SNX29: variants seen among roughly 807,000 people sequenced by gnomAD.
SNX29 encodes the protein sorting nexin 29, also known as sorting nexin-29.
SNX29 carries 78 observed loss-of-function variants against 102.1 expected under a neutral mutation model. The ratio of observed to expected loss-of-function variants is 0.76; its 90% CI spans 0.64 to 0.92. The LOEUF (loss-of-function observed/expected upper bound fraction) is 0.92, where lower values mean the gene tolerates loss of function less well. SNX29 is among the 40% of genes least tolerant of loss of function. SNX29 has a pLI of 0.00. For synonymous variants in SNX29, 580 were observed against 414.5 expected (o/e 1.40, Z -4.85); for missense variants, 1,280 against 1,061.7 (o/e 1.21, Z -2.86).
intron 18 of SNX29, among the ~76,000 whole-genome samples, chr16:12,460,204 C>T (rs1259377431): frequency 2.0e-5 from 3 of 152,226 alleles, no homozygotes; most frequent in Admixed American, 2.0e-4. Context: ...CACCCAACCA[C>T]GGCTCGCAGC....
At chr16:12,153,640 A>T (rs2055401066) in intron 13 of SNX29, among the ~76,000 whole-genome samples, 1 of 139,290 alleles carries the variant, frequency 7.2e-6, no homozygotes, top group African/African-American at 2.6e-5. Context: ...CACCTGGCTA[A>T]TTTTTTTTTT....
rs2077237072 is a variant in SNX29 at position 12,213,323 on chromosome 16, C to T, written c.1678+13640C>T. 2.0e-5 allele frequency among the ~76,000 whole-genome samples: 3 copies of T among 152,184 alleles called. No homozygotes were observed. In the South Asian group the frequency reaches 6.2e-4, roughly 32 times the overall value. ...AGAGAAACATAAGGGACATTAGAAA[C>T]TCTGAGCAGGAGGGGAGGCGAGGGA... On this transcript the variant is annotated intron_variant, in intron 14 of 20. Coordinates refer to ENST00000566228, the MANE Select transcript of SNX29 (RefSeq NM_032167.5).
intron 20 of SNX29, among the ~76,000 whole-genome samples, chr16:12,553,216 C>T (rs1340177914): frequency 2.6e-5 from 4 of 152,080 alleles, no homozygotes; most frequent in Admixed American, 1.3e-4. Context: ...TAGCCATGCT[C>T]GCAGATGGGG....
intron 13 of SNX29, among the ~76,000 whole-genome samples, chr16:12,186,476 G>GA (rs1423594636): frequency 6.6e-6 from 1 of 152,110 alleles, no homozygotes; most frequent in East Asian, 1.9e-4. Flanking sequence ...TAAGAACAAG[G>GA]ATACTTCCTT....
chr16:12,413,304 C>T (rs2084483541), intron 18 of SNX29, among the ~76,000 whole-genome samples: 1 of 152,042 alleles, frequency 6.6e-6, no homozygotes, highest in African/African-American at 2.4e-5. Flanking sequence ...GATCTCCTAA[C>T]TGCAGGCAAA....
At chr16:12,402,296 T>C (rs2083977310) in intron 17 of SNX29, among the ~76,000 whole-genome samples, 1 of 152,236 alleles carries the variant, frequency 6.6e-6, no homozygotes, top group Non-Finnish European at 1.5e-5. Flanking sequence ...GAAATGGTCT[T>C]TACTCTAGAG....
At chr16:12,553,003 GGA>G (rs1218287154) in intron 20 of SNX29, among the ~76,000 whole-genome samples, 5 of 152,244 alleles carry the variant, frequency 3.3e-5, no homozygotes, top group South Asian at 2.1e-4. Flanking sequence ...GCTGAAATCA[GGA>G]GAGTGGGATT....
chr16:12,366,802 T>TGTTTCTCTCTCTGCTCCTTTC (rs1052795638), intron 16 of SNX29, among the ~76,000 whole-genome samples: 1 of 152,106 alleles, frequency 6.6e-6, no homozygotes, highest in African/African-American at 2.4e-5. Context: ...TCTCTCCTTT[T>TGTTTCTCTCTCTGCTCCTTTC]GTTTCTCTCT....
intron 11 of SNX29, among the ~76,000 whole-genome samples, chr16:12,111,038 C>G (rs556533287): frequency 2.0e-4 from 30 of 152,200 alleles, no homozygotes; most frequent in Middle Eastern, 6.8e-3. Flanking sequence ...CCTCAAACTC[C>G]TAGCCTCAAG....
chr16:12,241,087 A>G (rs1047587434), intron 14 of SNX29, among the ~76,000 whole-genome samples: 1 of 152,158 alleles, frequency 6.6e-6, no homozygotes, highest in Admixed American at 6.6e-5. Context: ...TGAAAAAATT[A>G]GCTATTTGTG....
At chr16:12,372,552 G>C (rs948405789) in intron 16 of SNX29, 1 of 152,338 alleles carries the variant, frequency 6.6e-6, no homozygotes, top group Admixed American at 6.5e-5. Flanking sequence ...AGGTTCATGA[G>C]GGGGTGGTAG....
intron 13 of SNX29, among the ~76,000 whole-genome samples, chr16:12,156,495 G>T (rs555834418): frequency 6.6e-6 from 1 of 152,144 alleles, no homozygotes; most frequent in Admixed American, 6.5e-5. Flanking sequence ...AGGAAGGGGC[G>T]CAGGTTGCCT....
intron 20 of SNX29, among the ~76,000 whole-genome samples, chr16:12,560,255 A>G (rs913135409): frequency 3.9e-5 from 6 of 152,158 alleles, no homozygotes; most frequent in East Asian, 1.9e-4. Context: ...AAGCTTAAAA[A>G]TATCAGGAAC....
At chr16:12,217,034 T>C (rs908246039) in intron 14 of SNX29, among the ~76,000 whole-genome samples, 4 of 152,132 alleles carry the variant, frequency 2.6e-5, no homozygotes, top group Non-Finnish European at 2.9e-5. Flanking sequence ...TGGGTTTCTT[T>C]TGTTTTTGTT....
chr16:12,378,299 G>A (rs888993954), intron 16 of SNX29, among the ~76,000 whole-genome samples: 6 of 152,194 alleles, frequency 3.9e-5, no homozygotes, highest in Non-Finnish European at 8.8e-5. Flanking sequence ...ACATCGATAA[G>A]AGTGAAAGCA....
intron 15 of SNX29, among the ~76,000 whole-genome samples, chr16:12,333,265 C>G (rs1238545150): frequency 2.6e-5 from 4 of 151,720 alleles, no homozygotes; most frequent in Non-Finnish European, 4.4e-5. Flanking sequence ...GCCACCATGC[C>G]CGGCTAATTT....
chr16:12,243,394 A>G (rs1211308640), intron 14 of SNX29, among the ~76,000 whole-genome samples: 1 of 152,140 alleles, frequency 6.6e-6, no homozygotes, highest in East Asian at 1.9e-4. Flanking sequence ...TACACACCTG[A>G]TGTCTCCTGC....
intron 4 of SNX29, among the ~76,000 whole-genome samples, chr16:12,035,836 G>T (rs991900138): frequency 6.6e-6 from 1 of 152,110 alleles, no homozygotes; most frequent in Non-Finnish European, 1.5e-5. Flanking sequence ...GCTCCCTTGT[G>T]ATTTTCTGGG....
At chr16:12,398,284 C>A (rs1349663655) in intron 16 of SNX29, among the ~76,000 whole-genome samples, 162 bp from the exon 17 acceptor site, 2 of 152,168 alleles carry the variant, frequency 1.3e-5, no homozygotes, top group African/African-American at 2.4e-5. Flanking sequence ...TCCAACCATC[C>A]CTCCACACAA....
Sources: allele counts gnomAD v4.1 joint callset (sites outside exome capture counted in the v4.1 genomes callset), GRCh38; gene constraint gnomAD v4.1.1; transcripts MANE v1.5; gene names NCBI Gene and HGNC (gene_info 2026-07-23, HGNC 2026-07-21).